The following EIF3F variants were observed in gnomAD, a reference collection of about 807,000 sequenced individuals.
EIF3F encodes the protein eukaryotic translation initiation factor 3 subunit F.
A neutral mutation model predicts 36.0 loss-of-function variants in EIF3F; 8 were observed. That is an observed-to-expected ratio of 0.22 (90% CI 0.13 to 0.40). The LOEUF (loss-of-function observed/expected upper bound fraction) is 0.40. EIF3F is among the 10% of genes least tolerant of loss of function. The pLI, the probability that EIF3F is intolerant of heterozygous loss-of-function variation, is 1.00. For missense variants in EIF3F, 430 were observed against 467.6 expected, an observed-to-expected ratio of 0.92 and a Z score of 0.74; for synonymous variants, 184 against 188.5, an observed-to-expected ratio of 0.98 and a Z score of 0.19.
Position 8,001,641 on chromosome 11 carries a change from T to C in EIF3F, c.*5619T>C, listed in dbSNP as rs1942221824. On this transcript the variant is annotated 3_prime_UTR_variant, in exon 8 of 8. Coordinates refer to ENST00000651655, the MANE Select transcript of EIF3F (RefSeq NM_003754.3). The stretch of plus-strand genomic sequence containing the variant: ...GAATGTTGTCTATAATATGCTGTTG[T>C]TGTGTACGGGAAAATAAATAATATA... 1 of 152,202 alleles carries C rather than the reference T, an allele frequency of 6.6e-6. No homozygotes were observed. Among genetic ancestry groups the C allele is most frequent in the South Asian group, 2.1e-4 (1 of 4,828 alleles). 9.4% of individuals were successfully genotyped at this position (152,202 alleles called of 1,614,324 possible).
chr11:7,987,532 C>T lies in EIF3F; in HGVS notation c.180C>T (p.Gly60=), dbSNP rs1589902793. 2 of 1,604,212 alleles carry T rather than the reference C, an allele frequency of 1.2e-6. No individual in the cohort carries two copies. The highest frequency in any genetic ancestry group is 2.2e-5 in the East Asian group (1 of 44,624). ...AAAAAATAAP[G]QTPASAQAPA... Reference sequence around the variant, plus strand: ...CAGCGGCTGCAACTGCGGCTCCTGGCCAGACCCCGGCCTCAGCGCAAGCTC... The same window carrying T: ...CAGCGGCTGCAACTGCGGCTCCTGGTCAGACCCCGGCCTCAGCGCAAGCTC... The change falls in exon 1 of 8, where the codon GGC becomes GGT. Residue 60 remains glycine (G), a synonymous_variant. Coordinates refer to ENST00000651655, the MANE Select transcript of EIF3F (RefSeq NM_003754.3).
rs1942194996 is a variant in EIF3F, at chr11:7,999,365, G to A, written c.*3343G>A. On this transcript the variant is annotated 3_prime_UTR_variant, in exon 8 of 8. Coordinates refer to ENST00000651655, the MANE Select transcript of EIF3F (RefSeq NM_003754.3). Reference sequence around the variant, plus strand: ...AAAATGCTAATGAGAAACATGAGATGTAATCACTTGAAGGCATATCATGTT... The same window carrying A: ...AAAATGCTAATGAGAAACATGAGATATAATCACTTGAAGGCATATCATGTT... 1 of 152,206 alleles carries A rather than the reference G, an allele frequency of 6.6e-6. No homozygotes were observed. The highest frequency in any genetic ancestry group is 2.4e-5 in the African/African-American group (1 of 41,446). The allele number at this position is 152,206 out of a possible 1,614,324, so 9.4% of individuals were successfully genotyped here. A position where few individuals can be genotyped will look rare whatever the true frequency, so the allele number is the denominator to read the frequency against.
chr11:7,992,044 C>T, intron 2 of EIF3F, 40 bp from the exon 3 acceptor site: 1 of 1,602,936 alleles, frequency 6.2e-7, no homozygotes, highest in Non-Finnish European at 8.5e-7. Flanking sequence ...TTTCTTTGGA[C>T]TTCTGGCTTC....
rs1798464620 is a variant in EIF3F at position 8,001,078 on chromosome 11, T to C, written c.*5056T>C. The C allele has an allele frequency of 1.3e-5, 2 of 152,240 alleles. No homozygotes were observed. The highest frequency in any genetic ancestry group is 2.4e-5 in the African/African-American group (1 of 41,466). 9.4% of individuals were successfully genotyped at this position (152,240 alleles called of 1,614,324 possible). The stretch of plus-strand genomic sequence containing the variant: ...AATTCCTACAGTTTTTTAAGGCCAG[T>C]AATTTGATACATTAGTGTGTAAAGG... On this transcript the variant is annotated 3_prime_UTR_variant, in exon 8 of 8. Coordinates refer to ENST00000651655, the MANE Select transcript of EIF3F (RefSeq NM_003754.3).
At position 7,996,137 on chromosome 11, in the gene EIF3F, A is replaced by G; in HGVS notation, c.*115A>G. 3.5e-6 allele frequency: 3 copies of G among 866,082 alleles called. No individual in the cohort carries two copies. The South Asian group carries it at 4.6e-5, about 13-fold the overall frequency. The allele number at this position is 866,082 out of a possible 1,614,324, so 53.6% of individuals were successfully genotyped here. ...ACACTGAGATAGTCAGTTGTGTGTG[A>G]CTCTAATAAACGGAGCCTACCTTTT... On this transcript the variant is annotated 3_prime_UTR_variant, in exon 8 of 8. Transcript: ENST00000651655.
Position 7,992,950 on chromosome 11 carries a change from G to C in EIF3F, c.579G>C (p.Glu193Asp). 6.2e-6 allele frequency: 10 copies of C among 1,613,802 alleles called. No homozygotes were observed. The highest frequency in any genetic ancestry group is 8.5e-6 in the Non-Finnish European group (10 of 1,179,904). Residue 193 changes from glutamate to aspartate, a missense_variant, in exon 4 of 8, where the codon GAG becomes GAC. Glu to Asp is a conservative substitution (Grantham distance 45). Coordinates refer to ENST00000651655, the MANE Select transcript of EIF3F (RefSeq NM_003754.3). ...SVLIHEYYSR[E>D]APNPIHLTVD... is the part of the protein sequence containing the mutation. The stretch of plus-strand genomic sequence containing the variant: ...TGATCCACGAGTACTACAGCCGAGA[G>C]GCCCCCAACCCCATCCACCTCACTG...
intron 2 of EIF3F, 79 bp from the exon 3 acceptor site, chr11:7,992,005 G>C: frequency 2.7e-6 from 4 of 1,508,580 alleles, no homozygotes; most frequent in Non-Finnish European, 3.7e-6. Context: ...TGTTTATTGG[G>C]GGTGGCCTCT....
At chr11:7,994,310 C>T in intron 4 of EIF3F, 116 bp from the exon 5 acceptor site, 1 of 870,100 alleles carries the variant, frequency 1.1e-6, no homozygotes, top group East Asian at 2.7e-5. Context: ...TTGGTCCCAC[C>T]CTTTCTATCA....
In EIF3F at chr11:7,995,995, A is replaced by G. The variant is rs144003413; in HGVS notation, c.1047A>G (p.Ala349=). Residue 349 remains alanine (A), a synonymous_variant, in exon 8 of 8, where the codon GCA becomes GCG. Coordinates refer to ENST00000651655, the MANE Select transcript of EIF3F (RefSeq NM_003754.3). ...CCAACCTCACACAGTCACAGATTGCACTCAATGAAAAACTTGTAAACCTGT... is the reference window on the plus strand; with the variant it reads ...CCAACCTCACACAGTCACAGATTGCGCTCAATGAAAAACTTGTAAACCTGT... ...YLANLTQSQI[A]LNEKLVNL The G allele has an allele frequency of 1.2e-6, 2 of 1,613,868 alleles. No individual in the cohort carries two copies. The highest frequency in any genetic ancestry group is 1.7e-5 in the Admixed American group (1 of 60,014).
In EIF3F at chr11:7,993,027, G is replaced by A. The variant is rs200275224; in HGVS notation, c.653+3G>A. On this transcript the variant is annotated splice_donor_region_variant and intron_variant, in intron 4 of 7. Coordinates refer to ENST00000651655, the MANE Select transcript of EIF3F (RefSeq NM_003754.3). The stretch of plus-strand genomic sequence containing the variant: ...ATGAGCATCAAAGCCTACGTCAGGT[G>A]ACCACAGTCTTGGGCTACAAGGGCA... 3.5e-5 allele frequency: 56 copies of A among 1,587,852 alleles called. No individual in the cohort carries two copies. In the East Asian group the frequency reaches 1.3e-3, roughly 36 times the overall value.
At chr11:7,991,991 CTTCTGTTTA>C in intron 2 of EIF3F, 84 bp from the exon 3 acceptor site, 3 of 1,495,352 alleles carry the variant, frequency 2.0e-6, no homozygotes, top group Non-Finnish European at 2.8e-6. Context: ...TCCTGGGCCT[CTTCTGTTTA>C]TTGGGGGTGG....
intron 1 of EIF3F, 63 bp downstream of exon 1, chr11:7,987,779 CT>C (rs1368951557): frequency 1.4e-5 from 20 of 1,412,020 alleles, no homozygotes; most frequent in Non-Finnish European, 1.7e-5. Flanking sequence ...TCTCACTCCC[CT>C]AACTCATTAA....
intron 4 of EIF3F, 109 bp from the exon 5 acceptor site, chr11:7,994,317 A>G (rs935198450): frequency 1.9e-5 from 18 of 936,062 alleles, no homozygotes; most frequent in East Asian, 5.4e-5. Context: ...CACCCTTTCT[A>G]TCAGAACCTT....
rs935202594 is a variant in EIF3F at position 7,999,757 on chromosome 11, A to G, written c.*3735A>G. 1.3e-5 allele frequency: 2 copies of G among 152,248 alleles called. No homozygotes were observed. Among genetic ancestry groups the G allele is most frequent in the African/African-American group, 4.8e-5 (2 of 41,460 alleles). The allele number at this position is 152,248 out of a possible 1,614,324, so 9.4% of individuals were successfully genotyped here. A position where few individuals can be genotyped will look rare whatever the true frequency, so the allele number is the denominator to read the frequency against. ...ACAGACATTGTGGAAAACAGTTTGT[A>G]GAGCTTCCTCAATAAAAACACATAT... On this transcript the variant is annotated 3_prime_UTR_variant, in exon 8 of 8. Transcript: ENST00000651655.
Position 7,987,408 on chromosome 11 carries a change from C to G in EIF3F, c.56C>G (p.Pro19Arg). The G allele has an allele frequency of 6.2e-7, 1 of 1,600,842 alleles. No homozygotes were observed. Among genetic ancestry groups the G allele is most frequent in the Non-Finnish European group, 8.5e-7 (1 of 1,179,426 alleles). Residue 19 changes from proline (P) to arginine (R), a missense_variant, in exon 1 of 8, where the codon CCG becomes CGG. Coordinates refer to ENST00000651655, the MANE Select transcript of EIF3F (RefSeq NM_003754.3). ...SAPPATPTPVPAAAPASVPAP... is the reference protein window; with the variant it reads ...SAPPATPTPVRAAAPASVPAP... ...CCTCCGGCCACGCCAACCCCAGTCC[C>G]GGCGGCGGCCCCAGCCTCAGTTCCA...
Position 7,993,648 on chromosome 11 carries a change from C to T in EIF3F, c.653+624C>T, listed in dbSNP as rs147930847. Among the ~76,000 whole-genome samples the T allele has an allele frequency of 5.2e-3, 788 of 152,222 alleles. 6 individuals are homozygous for T. Among genetic ancestry groups the T allele is most frequent in the Middle Eastern group, 0.017 (5 of 294 alleles). On this transcript the variant is annotated intron_variant, in intron 4 of 7. Transcript: ENST00000651655. ...GGAAGGCAGCTGTTAGTGCATCTGT[C>T]AGGCTGTTGATTTTGTGCTGGTTCT...
At chr11:7,988,614 GCTT>G (rs1942055631) in intron 1 of EIF3F, among the ~76,000 whole-genome samples, 1 of 152,138 alleles carries the variant, frequency 6.6e-6, no homozygotes, top group Admixed American at 6.5e-5. Flanking sequence ...ATTTTAAATA[GCTT>G]TGTGAATCCA....
In EIF3F at chr11:7,998,693, A is replaced by C. The variant is rs76604431; in HGVS notation, c.*2671A>C. The C allele has an allele frequency of 6.6e-6, 1 of 152,198 alleles. No homozygotes were observed. The highest frequency in any genetic ancestry group is 1.5e-5 in the Non-Finnish European group (1 of 68,048). 9.4% of individuals were successfully genotyped at this position (152,198 alleles called of 1,614,324 possible). On this transcript the variant is annotated 3_prime_UTR_variant, in exon 8 of 8. Transcript: ENST00000651655. ...CTGCAAAAAATGAGAATTGACTATT[A>C]TGTGTGTGTATATTATATATATGAT...
chr11:7,992,441 A>C (rs917799382), intron 3 of EIF3F: 8 of 481,058 alleles, frequency 1.7e-5, no homozygotes, highest in Non-Finnish European at 3.0e-5. Context: ...GCATGATGAC[A>C]CACACCTATA....
Sources: allele counts gnomAD v4.1 joint callset (sites outside exome capture counted in the v4.1 genomes callset), GRCh38; gene constraint gnomAD v4.1.1; transcripts MANE v1.5; gene names NCBI Gene and HGNC (gene_info 2026-07-23, HGNC 2026-07-21).